The following PDE7B variants were observed in gnomAD, a reference collection of about 807,000 sequenced individuals.
PDE7B encodes the protein phosphodiesterase 7B, also known as 3',5'-cyclic-AMP phosphodiesterase 7B.
Under a neutral mutation model 56.2 loss-of-function variants are expected in PDE7B, and 29 were observed. The ratio of observed to expected loss-of-function variants is 0.52; its 90% CI spans 0.38 to 0.70. The LOEUF is 0.70. Among genes scored for constraint, PDE7B ranks in the 30% least tolerant of loss-of-function variants. PDE7B has a pLI of 0.00. For synonymous variants in PDE7B, 197 were observed against 196.9 expected (o/e 1.00, Z 0.00); for missense variants, 490 against 565.0 (o/e 0.87, Z 1.35).
chr6:136,023,869 C>G (rs1452197989), intron 2 of PDE7B, among the ~76,000 whole-genome samples: 1 of 152,046 alleles, frequency 6.6e-6, no homozygotes, highest in Non-Finnish European at 1.5e-5. Flanking sequence ...AGAAGAAAAT[C>G]ACTACTTTCG....
chr6:136,087,370 T>C (rs1777310443), intron 2 of PDE7B, among the ~76,000 whole-genome samples: 1 of 151,772 alleles, frequency 6.6e-6, no homozygotes, highest in Non-Finnish European at 1.5e-5. Context: ...ATAAGAAAAA[T>C]ATAAGAATAA....
At chr6:135,910,560 T>C (rs955151848) in intron 1 of PDE7B, among the ~76,000 whole-genome samples, 1 of 152,206 alleles carries the variant, frequency 6.6e-6, no homozygotes, top group Admixed American at 6.5e-5. Context: ...TTTGCTACAG[T>C]TGATGCATCT....
At chr6:136,101,405 T>A (rs561090800) in intron 2 of PDE7B, among the ~76,000 whole-genome samples, 5 of 152,192 alleles carry the variant, frequency 3.3e-5, no homozygotes, top group Non-Finnish European at 2.9e-5. Context: ...GGACTTTTTT[T>A]GGTTGGTAGG....
intron 2 of PDE7B, among the ~76,000 whole-genome samples, chr6:136,083,378 C>T (rs1025482193): frequency 3.9e-5 from 6 of 152,230 alleles, no homozygotes; most frequent in South Asian, 2.1e-4. Context: ...TGAGCATGTG[C>T]GCATGACTAC....
rs552325255 is a variant in PDE7B at position 136,052,995 on chromosome 6, A to G, written c.83-55736A>G. ...CCATTGGCTCCACTGAATGGTCTCT[A>G]TGCTAATAAAGACATACTTGAGACT... is the stretch of plus-strand genomic sequence containing the variant. On this transcript the variant is annotated intron_variant, in intron 2 of 12. Coordinates refer to ENST00000308191, the MANE Select transcript of PDE7B (RefSeq NM_018945.4). Among the ~76,000 whole-genome samples, 12 of 152,250 alleles carry G rather than the reference A, an allele frequency of 7.9e-5. No individual in the cohort carries two copies. In the East Asian group the frequency reaches 2.1e-3, roughly 27 times the overall value.
At chr6:135,913,438 A>G (rs985617384) in intron 1 of PDE7B, among the ~76,000 whole-genome samples, 2 of 152,112 alleles carry the variant, frequency 1.3e-5, no homozygotes, top group African/African-American at 2.4e-5. Flanking sequence ...GTATGAAAAC[A>G]TAGCTTGACT....
chr6:135,864,242 C>T (rs1453378963), intron 1 of PDE7B, among the ~76,000 whole-genome samples: 1 of 152,064 alleles, frequency 6.6e-6, no homozygotes, highest in African/African-American at 2.4e-5. Flanking sequence ...TTGTATCCCT[C>T]CTAAATTATA....
At chr6:135,981,198 A>G (rs1775288147) in intron 2 of PDE7B, among the ~76,000 whole-genome samples, 2 of 149,676 alleles carry the variant, frequency 1.3e-5, no homozygotes, top group East Asian at 2.0e-4. Context: ...AAAACCAAAC[A>G]CCGAATATTC....
chr6:136,079,576 C>G (rs181841464), intron 2 of PDE7B, among the ~76,000 whole-genome samples: 256 of 152,234 alleles, frequency 1.7e-3, no homozygotes, highest in Non-Finnish European at 2.6e-3. Context: ...TCTTTACACA[C>G]AGACCACTTA....
chr6:136,068,529 C>T (rs1380994905), intron 2 of PDE7B, among the ~76,000 whole-genome samples: 1 of 149,018 alleles, frequency 6.7e-6, no homozygotes, highest in African/African-American at 2.5e-5. Context: ...CTCCCGGGTT[C>T]ACACCATTCT....
At chr6:135,925,462 CTG>C (rs1337599312) in intron 1 of PDE7B, among the ~76,000 whole-genome samples, 1 of 152,102 alleles carries the variant, frequency 6.6e-6, no homozygotes, top group Non-Finnish European at 1.5e-5. Context: ...CATTGCAAAA[CTG>C]AGCTTCTTCT....
chr6:136,154,063 T>C lies in PDE7B; in HGVS notation c.479-12T>C. On this transcript the variant is annotated splice_polypyrimidine_tract_variant and intron_variant, in intron 6 of 12. Coordinates refer to ENST00000308191, the MANE Select transcript of PDE7B (RefSeq NM_018945.4). ...GGGTTTTAGTTGATTGAGTTATCTG[T>C]TTACCTCCCAGTCATGGTTCAAGAA... The C allele has an allele frequency of 6.3e-7, 1 of 1,594,326 alleles. No homozygotes were observed. Among genetic ancestry groups the C allele is most frequent in the Admixed American group, 1.7e-5 (1 of 59,944 alleles).
chr6:135,983,302 C>T (rs1334797670), intron 2 of PDE7B, among the ~76,000 whole-genome samples: 1 of 152,106 alleles, frequency 6.6e-6, no homozygotes, highest in Non-Finnish European at 1.5e-5. Context: ...GACTTCAGAA[C>T]CAAGGGCAGT....
At chr6:136,124,640 T>C (rs1777991177) in intron 3 of PDE7B, among the ~76,000 whole-genome samples, 1 of 152,220 alleles carries the variant, frequency 6.6e-6, no homozygotes, top group African/African-American at 2.4e-5. Context: ...GAATAAAATA[T>C]AAGTTCCACA....
Position 135,897,592 on chromosome 6 carries a change from C to G in PDE7B, c.21+45573C>G, listed in dbSNP as rs139694534. On this transcript the variant is annotated intron_variant, in intron 1 of 12. Transcript: ENST00000308191. ...CCAACTTGCAGAAGGCTTTAAGATT[C>G]TAACAAAATTAAACAATATAAGGCT... Among the ~76,000 whole-genome samples, 440 of 152,208 alleles carry G rather than the reference C, an allele frequency of 2.9e-3. 2 individuals are homozygous for G. The highest frequency in any genetic ancestry group is 0.014 in the South Asian group (65 of 4,814).
chr6:135,863,777 T>A (rs1039042183), intron 1 of PDE7B, among the ~76,000 whole-genome samples: 3 of 151,700 alleles, frequency 2.0e-5, no homozygotes, highest in Non-Finnish European at 4.4e-5. Flanking sequence ...AGTGGTTGCA[T>A]GCCTTATCAT....
intron 2 of PDE7B, among the ~76,000 whole-genome samples, chr6:136,005,540 T>C (rs1775765987): frequency 6.6e-6 from 1 of 151,972 alleles, no homozygotes; most frequent in Admixed American, 6.6e-5. Flanking sequence ...GAAAAGTGGG[T>C]GAAGGACACG....
intron 2 of PDE7B, among the ~76,000 whole-genome samples, chr6:136,000,617 T>C (rs1361196549): frequency 6.6e-6 from 1 of 152,224 alleles, no homozygotes; most frequent in Non-Finnish European, 1.5e-5. Flanking sequence ...GTATCTGTTT[T>C]TTTGTACTAG....
intron 2 of PDE7B, among the ~76,000 whole-genome samples, chr6:136,100,135 ATC>A (rs1777536775): frequency 6.6e-6 from 1 of 151,906 alleles, no homozygotes; most frequent in Admixed American, 6.6e-5. Flanking sequence ...TGGTCTATAT[ATC>A]TGTTTTAGTA....
Sources: allele counts gnomAD v4.1 joint callset (sites outside exome capture counted in the v4.1 genomes callset), GRCh38; gene constraint gnomAD v4.1.1; transcripts MANE v1.5; gene names NCBI Gene and HGNC (gene_info 2026-07-23, HGNC 2026-07-21).